AVEN: variants seen among roughly 807,000 people sequenced by gnomAD.
AVEN encodes cell death regulator Aven.
AVEN carries 41 observed loss-of-function variants against 38.1 expected under a neutral mutation model. The ratio of observed to expected loss-of-function variants is 1.08; its 90% CI spans 0.84 to 1.40. The LOEUF is 1.40. Ranked by LOEUF, AVEN falls within the 40% of genes most tolerant of loss-of-function variation. The pLI, the probability that AVEN is intolerant of heterozygous loss-of-function variation, is 0.00. For synonymous variants in AVEN, 206 were observed against 171.8 expected (o/e 1.20, Z -1.56); for missense variants, 605 against 438.8 (o/e 1.38, Z -3.38).
intron 5 of AVEN, among the ~76,000 whole-genome samples, chr15:34,049,700 C>T (rs1683670585): frequency 6.6e-6 from 1 of 151,992 alleles, no homozygotes; most frequent in South Asian, 2.1e-4. Context: ...TAAGATACTC[C>T]ACAAGAAGAT....
chr15:33,864,894 G>C (rs549548482), downstream of AVEN: 16 of 470,106 alleles, frequency 3.4e-5, no homozygotes, highest in African/African-American at 2.1e-4. Context: ...TTTCAGTTTT[G>C]CTTGTTTGGG....
intron 1 of AVEN, among the ~76,000 whole-genome samples, chr15:34,036,227 G>T (rs1381667544): frequency 6.6e-6 from 1 of 152,104 alleles, no homozygotes; most frequent in Non-Finnish European, 1.5e-5. Flanking sequence ...CAGAAGGAAT[G>T]ATTTAAGAGC....
chr15:33,922,650 C>G (rs1164522329), intron 2 of AVEN, among the ~76,000 whole-genome samples: 1 of 152,082 alleles, frequency 6.6e-6, no homozygotes, highest in Non-Finnish European at 1.5e-5. Flanking sequence ...CCAGGCTGGT[C>G]TGGACTCCTG....
At chr15:33,920,409 A>G (rs947226425) in intron 2 of AVEN, among the ~76,000 whole-genome samples, 2 of 152,162 alleles carry the variant, frequency 1.3e-5, no homozygotes, top group Non-Finnish European at 2.9e-5. Flanking sequence ...TCAGTACTTC[A>G]TATACACGGA....
intron 1 of AVEN, among the ~76,000 whole-genome samples, chr15:34,010,132 C>G (rs559952373): frequency 6.8e-4 from 103 of 152,196 alleles, no homozygotes; most frequent in African/African-American, 2.4e-3. Flanking sequence ...ATTAGACTGA[C>G]TAGACAAAAG....
intron 1 of AVEN, among the ~76,000 whole-genome samples, chr15:34,011,951 C>T (rs1001381329): frequency 6.6e-6 from 1 of 152,146 alleles, no homozygotes; most frequent in African/African-American, 2.4e-5. Flanking sequence ...TTTTAAACTA[C>T]AGTTTGTGGA....
chr15:34,059,255 T>C (rs1247146102), intron 5 of AVEN, among the ~76,000 whole-genome samples: 4 of 152,206 alleles, frequency 2.6e-5, no homozygotes, highest in Non-Finnish European at 2.9e-5. Flanking sequence ...TATACATGTG[T>C]CCAAAGGAGT....
At chr15:34,072,091 C>T (rs1900637988) in intron 1 of AVEN, among the ~76,000 whole-genome samples, 1 of 151,022 alleles carries the variant, frequency 6.6e-6, no homozygotes, top group Admixed American at 6.6e-5. Flanking sequence ...CATAGCAAGA[C>T]CTTATCTCTA....
chr15:33,931,527 C>A (rs758986993), intron 2 of AVEN, among the ~76,000 whole-genome samples: 123 of 151,652 alleles, frequency 8.1e-4, no homozygotes, highest in Non-Finnish European at 1.3e-3. Flanking sequence ...CCCGCCACCA[C>A]ACCCAGCTAA....
At chr15:33,889,595 CAA>C (rs5811801) in intron 2 of AVEN, among the ~76,000 whole-genome samples, 1 of 152,010 alleles carries the variant, frequency 6.6e-6, no homozygotes, top group Non-Finnish European at 1.5e-5. Context: ...TGTTTCTGCA[CAA>C]AAAAAAATAC....
intron 2 of AVEN, among the ~76,000 whole-genome samples, chr15:33,887,702 T>C (rs571959798): frequency 2.0e-5 from 3 of 152,170 alleles, no homozygotes; most frequent in Non-Finnish European, 1.5e-5. Context: ...AAAGGAAATC[T>C]GAATTCTTTC....
intron 2 of AVEN, among the ~76,000 whole-genome samples, chr15:33,879,474 G>T (rs1318523755): frequency 2.0e-5 from 3 of 151,494 alleles, no homozygotes; most frequent in Non-Finnish European, 4.4e-5. Flanking sequence ...AATGGGTGCA[G>T]CACACCAGCA....
chr15:34,008,945 TGCGCGC>T (rs71119911), intron 1 of AVEN, among the ~76,000 whole-genome samples: 10 of 149,026 alleles, frequency 6.7e-5, no homozygotes, highest in East Asian at 5.9e-4. Flanking sequence ...CACTCACACG[TGCGCGC>T]GCGCACACAC....
chr15:33,998,979 C>T (rs561516032), intron 2 of AVEN, among the ~76,000 whole-genome samples: 15 of 152,336 alleles, frequency 9.8e-5, no homozygotes, highest in African/African-American at 3.6e-4. Flanking sequence ...ATCCTGAACC[C>T]CACATTCCTC....
chr15:33,862,169 AGCCT>A (rs1337596554), downstream of AVEN, among the ~76,000 whole-genome samples: 1 of 151,858 alleles, frequency 6.6e-6, no homozygotes, highest in African/African-American at 2.4e-5. Flanking sequence ...TCTGCTCCCC[AGCCT>A]AGCTCTTCCC....
intron 2 of AVEN, among the ~76,000 whole-genome samples, chr15:33,933,574 G>C (rs1171478661): frequency 7.6e-6 from 1 of 131,022 alleles, no homozygotes; most frequent in African/African-American, 2.9e-5. Context: ...GAGAGAGAGA[G>C]AGAGAGAACT....
At chr15:34,049,921 T>G (rs1380700124) in intron 5 of AVEN, among the ~76,000 whole-genome samples, 1 of 144,294 alleles carries the variant, frequency 6.9e-6, no homozygotes, top group Non-Finnish European at 1.5e-5. Flanking sequence ...AGGATCTCAC[T>G]CCATCACCTA....
At chr15:33,972,609 A>G (rs547856033) in intron 2 of AVEN, 1 of 152,368 alleles carries the variant, frequency 6.6e-6, no homozygotes, top group Non-Finnish European at 1.5e-5. Flanking sequence ...TCTTCAACAA[A>G]TATTTGTAAA....
chr15:33,934,205 CT>C (rs1893976239), intron 2 of AVEN, among the ~76,000 whole-genome samples: 1 of 108,052 alleles, frequency 9.3e-6, no homozygotes, highest in Non-Finnish European at 2.2e-5. Flanking sequence ...AAGACCCCAT[CT>C]CTACAAAAAA....
Sources: gnomAD v4.1 joint callset for allele counts (sites outside exome capture counted in the v4.1 genomes callset) on GRCh38, gnomAD v4.1.1 for gene constraint, MANE v1.5 for transcripts, NCBI Gene and HGNC (gene_info 2026-07-23, HGNC 2026-07-21) for gene names.